LRRTM4: variants seen among roughly 807,000 people sequenced by gnomAD.
LRRTM4 encodes the protein leucine rich repeat transmembrane neuronal 4.
Under a neutral mutation model 47.6 loss-of-function variants are expected in LRRTM4, and 25 were observed. The ratio of observed to expected loss-of-function variants is 0.53; its 90% CI spans 0.38 to 0.73. The LOEUF is 0.73. Among genes scored for constraint, LRRTM4 ranks in the 30% least tolerant of loss-of-function variants. The pLI is 0.00. For synonymous variants in LRRTM4, 311 were observed against 269.5 expected (o/e 1.15, Z -1.51); for missense variants, 638 against 713.4 (o/e 0.89, Z 1.20).
chr2:77,241,669 C>A (rs1015046166), intron 3 of LRRTM4, among the ~76,000 whole-genome samples: 18 of 151,990 alleles, frequency 1.2e-4, no homozygotes, highest in Non-Finnish European at 2.1e-4. Flanking sequence ...AATTACAAGA[C>A]ACAGATAAGG....
Position 77,369,005 on chromosome 2 carries a change from T to A in LRRTM4, c.1551+149313A>T, listed in dbSNP as rs147791798. On this transcript the variant is annotated intron_variant, in intron 3 of 3. Transcript: ENST00000409884. ...TTTCTCCACACCCTCACCAACACATTATCTCTTATCTTTTTGATAATGGCG... is the reference window on the plus strand; with the variant it reads ...TTTCTCCACACCCTCACCAACACATAATCTCTTATCTTTTTGATAATGGCG... Among the ~76,000 whole-genome samples the A allele has an allele frequency of 6.0e-3, 909 of 151,882 alleles. 7 individuals carry two copies. Among genetic ancestry groups the A allele is most frequent in the African/African-American group, 0.021 (874 of 41,494 alleles).
intron 3 of LRRTM4, among the ~76,000 whole-genome samples, chr2:77,319,273 G>C (rs896843239): frequency 1.3e-5 from 2 of 152,044 alleles, no homozygotes; most frequent in Admixed American, 1.3e-4. Flanking sequence ...TGTAATCCCA[G>C]CTACTAGGGA....
intron 3 of LRRTM4, among the ~76,000 whole-genome samples, chr2:77,048,678 G>A (rs1679313048): frequency 6.6e-6 from 1 of 151,790 alleles, no homozygotes; most frequent in Admixed American, 6.6e-5. Flanking sequence ...TATGGGCATA[G>A]TGTGATATTT....
chr2:76,827,134 A>G (rs1671211630), intron 3 of LRRTM4, among the ~76,000 whole-genome samples: 1 of 151,812 alleles, frequency 6.6e-6, no homozygotes, highest in Admixed American at 6.6e-5. Context: ...TCATAGTGTT[A>G]GACTGCAGAG....
Position 77,227,910 on chromosome 2 carries a change from A to G in LRRTM4, c.1551+290408T>C, listed in dbSNP as rs541413531. Among the ~76,000 whole-genome samples the G allele has an allele frequency of 1.6e-4, 24 of 152,200 alleles. No individual in the cohort carries two copies. The South Asian group carries it at 5.0e-3, about 32-fold the overall frequency. On this transcript the variant is annotated intron_variant, in intron 3 of 3. Coordinates refer to ENST00000409884, the MANE Select transcript of LRRTM4 (RefSeq NM_001134745.3). ...CTACATTATTATTTTTTCTTACAAA[A>G]TGAGATATCATAAGACTAGTTTGTT...
chr2:77,217,699 A>G (rs1230869474), intron 3 of LRRTM4, among the ~76,000 whole-genome samples: 1 of 151,646 alleles, frequency 6.6e-6, no homozygotes, highest in Non-Finnish European at 1.5e-5. Flanking sequence ...TTGCATACCA[A>G]TTACAGATAA....
chr2:77,195,665 C>T (rs1024733176), intron 3 of LRRTM4, among the ~76,000 whole-genome samples: 3 of 152,082 alleles, frequency 2.0e-5, no homozygotes, highest in Admixed American at 6.6e-5. Context: ...AGTCAAATTG[C>T]AAACTAAACA....
chr2:76,932,113 T>C (rs1051549941), intron 3 of LRRTM4, among the ~76,000 whole-genome samples: 1 of 152,136 alleles, frequency 6.6e-6, no homozygotes, highest in Non-Finnish European at 1.5e-5. Flanking sequence ...TGTTCCTCCT[T>C]GTATTGTTTA....
chr2:77,236,375 A>C (rs932139864), intron 3 of LRRTM4, among the ~76,000 whole-genome samples: 2 of 152,104 alleles, frequency 1.3e-5, no homozygotes. Flanking sequence ...GTATTCTGAT[A>C]CATCAGTGAA....
chr2:77,343,489 TG>T (rs1444846705), intron 3 of LRRTM4, among the ~76,000 whole-genome samples: 1 of 151,958 alleles, frequency 6.6e-6, no homozygotes, highest in Non-Finnish European at 1.5e-5. Flanking sequence ...TATTCTGCAT[TG>T]TACTTTTAAA....
intron 3 of LRRTM4, among the ~76,000 whole-genome samples, chr2:76,795,369 TTTATA>T (rs2103736640): frequency 6.7e-6 from 1 of 149,826 alleles, no homozygotes; most frequent in African/African-American, 2.4e-5. Context: ...TTTAACCAAC[TTTATA>T]TAAGACAATT....
intron 3 of LRRTM4, among the ~76,000 whole-genome samples, chr2:77,287,567 A>T (rs1323141743): frequency 2.0e-5 from 3 of 152,056 alleles, no homozygotes; most frequent in African/African-American, 4.8e-5. Context: ...AGAATTCATG[A>T]GTATTAAATG....
chr2:76,781,954 A>AT (rs1455651347), intron 3 of LRRTM4, among the ~76,000 whole-genome samples: 1 of 152,058 alleles, frequency 6.6e-6, no homozygotes, highest in Non-Finnish European at 1.5e-5. Context: ...TTATCTTGAC[A>AT]TTTTTTTAAA....
At chr2:76,807,918 CCTTT>C (rs1170220773) in intron 3 of LRRTM4, among the ~76,000 whole-genome samples, 11 of 116,562 alleles carry the variant, frequency 9.4e-5, no homozygotes, top group African/African-American at 2.5e-4. Flanking sequence ...TCTTTTCTTT[CCTTT>C]CTTTCCTTTC....
At chr2:77,159,999 G>C (rs1387630414) in intron 3 of LRRTM4, among the ~76,000 whole-genome samples, 2 of 152,108 alleles carry the variant, frequency 1.3e-5, no homozygotes, top group African/African-American at 2.4e-5. Context: ...CACTGGTTTG[G>C]AAGCATTTAT....
chr2:76,809,321 G>C (rs1011084312), intron 3 of LRRTM4, among the ~76,000 whole-genome samples: 3 of 151,992 alleles, frequency 2.0e-5, no homozygotes, highest in Non-Finnish European at 4.4e-5. Flanking sequence ...ATTTTTCTAA[G>C]TGTGGACTTT....
At chr2:76,761,347 C>T (rs971927346) in intron 3 of LRRTM4, among the ~76,000 whole-genome samples, 1 of 152,116 alleles carries the variant, frequency 6.6e-6, no homozygotes, top group African/African-American at 2.4e-5. Flanking sequence ...TTCACTTGGC[C>T]CTATTTATAT....
chr2:77,068,829 A>G (rs1014546603), intron 3 of LRRTM4, among the ~76,000 whole-genome samples: 9 of 152,216 alleles, frequency 5.9e-5, no homozygotes, highest in African/African-American at 2.2e-4. Context: ...TGATGGCCAT[A>G]AGGCCTACGC....
intron 3 of LRRTM4, among the ~76,000 whole-genome samples, chr2:77,273,560 C>A (rs368229648): frequency 1.3e-5 from 2 of 151,978 alleles, no homozygotes; most frequent in South Asian, 2.1e-4. Flanking sequence ...ATTTAGGAAA[C>A]CTATAATAAG....
Sources: gnomAD v4.1 joint callset for allele counts (sites outside exome capture counted in the v4.1 genomes callset) on GRCh38, gnomAD v4.1.1 for gene constraint, MANE v1.5 for transcripts, NCBI Gene and HGNC (gene_info 2026-07-23, HGNC 2026-07-21) for gene names.